RBFOX3: variants seen among roughly 807,000 people sequenced by gnomAD.
RBFOX3 encodes the protein RNA binding protein fox-1 homolog 3.
RBFOX3 carries 17 observed loss-of-function variants against 48.7 expected under a neutral mutation model. The observed-to-expected ratio is 0.35, with a 90% CI of 0.24 to 0.52. The LOEUF is 0.52. Among genes scored for constraint, RBFOX3 ranks in the 20% least tolerant of loss-of-function variants. RBFOX3 has a pLI of 0.94. For synonymous variants in RBFOX3, 212 were observed against 209.5 expected (o/e 1.01, Z -0.10); for missense variants, 382 against 497.5 (o/e 0.77, Z 2.21).
intron 2 of RBFOX3, among the ~76,000 whole-genome samples, chr17:79,318,874 AAAAAAAG>A (rs753353432): frequency 6.0e-5 from 9 of 149,522 alleles, no homozygotes; most frequent in Non-Finnish European, 7.4e-5. Flanking sequence ...AAAAAAAAAA[AAAAAAAG>A]GGATGGAGGG....
Position 79,361,401 on chromosome 17 carries a change from A to C in RBFOX3, c.-174-53577T>G, listed in dbSNP as rs923592311. On this transcript the variant is annotated intron_variant, in intron 2 of 14. Coordinates refer to ENST00000693108, the MANE Select transcript of RBFOX3 (RefSeq NM_001350451.2). The surrounding 1 kb of genome is among the most constrained non-coding windows in gnomAD (Gnocchi z 4.5). ...ATCCCCCACTGCCTTCCTTGTGGAA[A>C]GATTAAACATCTCTCAGATGCTGGG... Among the ~76,000 whole-genome samples the C allele has an allele frequency of 7.2e-5, 11 of 152,156 alleles. No homozygotes were observed. The highest frequency in any genetic ancestry group is 1.6e-4 in the Non-Finnish European group (11 of 68,024).
chr17:79,409,136 ACT>A (rs2148545052), intron 2 of RBFOX3, among the ~76,000 whole-genome samples: 1 of 152,212 alleles, frequency 6.6e-6, no homozygotes, highest in South Asian at 2.1e-4. Flanking sequence ...TGCTGAGCAC[ACT>A]GTTTTCAGGG....
Position 79,316,995 on chromosome 17 carries a change from C to T in RBFOX3, c.-174-9171G>A, listed in dbSNP as rs568288286. Among the ~76,000 whole-genome samples, 3 of 152,310 alleles carry T rather than the reference C, an allele frequency of 2.0e-5. No individual in the cohort carries two copies. The South Asian group carries it at 6.2e-4, about 32-fold the overall frequency. ...TCACCCGCAAATGTGCATGTGCACG[C>T]ACACACACAGATGTGCACGGACACG... On this transcript the variant is annotated intron_variant, in intron 2 of 14. Coordinates refer to ENST00000693108, the MANE Select transcript of RBFOX3 (RefSeq NM_001350451.2).
intron 3 of RBFOX3, among the ~76,000 whole-genome samples, chr17:79,268,487 G>T (rs1023396023): frequency 6.6e-6 from 1 of 152,094 alleles, no homozygotes; most frequent in Non-Finnish European, 1.5e-5. Flanking sequence ...TAACTCTCCC[G>T]CTGCGGGTGG....
At chr17:79,153,154 C>A (rs1434471414) in intron 4 of RBFOX3, among the ~76,000 whole-genome samples, 2 of 152,216 alleles carry the variant, frequency 1.3e-5, no homozygotes. Flanking sequence ...CGACCCTTGG[C>A]CCTGTTCTGG....
At chr17:79,582,782 C>CAAAAAA (rs36155299) in intron 1 of RBFOX3, among the ~76,000 whole-genome samples, 2 of 46,894 alleles carry the variant, frequency 4.3e-5, no homozygotes, top group Admixed American at 3.0e-4. Flanking sequence ...GACCCCGTCT[C>CAAAAAA]AAAAAAAAAA....
intron 1 of RBFOX3, among the ~76,000 whole-genome samples, chr17:79,505,755 C>T (rs1016961398): frequency 2.0e-5 from 3 of 152,172 alleles, no homozygotes; most frequent in African/African-American, 4.8e-5. Flanking sequence ...GTCCCCACAC[C>T]GCACGCCTCT....
intron 14 of RBFOX3, chr17:79,092,308 G>GC: frequency 2.0e-6 from 2 of 985,524 alleles, no homozygotes; most frequent in South Asian, 9.4e-5. Flanking sequence ...CACCGTACCT[G>GC]CAATGGCTTG....
chr17:79,154,773 A>T lies in RBFOX3; in HGVS notation c.-33-39025T>A, dbSNP rs114311456. On this transcript the variant is annotated intron_variant, in intron 4 of 14. Coordinates refer to ENST00000693108, the MANE Select transcript of RBFOX3 (RefSeq NM_001350451.2). ...GGTTCCTGCTTCTCTGAGGAAGGGGAGGCTGTGGGCAGGAGGTGCCACTGA... is the reference window on the plus strand; with the variant it reads ...GGTTCCTGCTTCTCTGAGGAAGGGGTGGCTGTGGGCAGGAGGTGCCACTGA... Among the ~76,000 whole-genome samples, 1,185 of 152,274 alleles carry T rather than the reference A, an allele frequency of 7.8e-3. 14 individuals carry two copies. The highest frequency in any genetic ancestry group is 0.027 in the African/African-American group (1,116 of 41,556).
chr17:79,323,698 C>T (rs1037988149), intron 2 of RBFOX3, among the ~76,000 whole-genome samples: 1 of 152,240 alleles, frequency 6.6e-6, no homozygotes, highest in Non-Finnish European at 1.5e-5. Context: ...TAATGTCCTG[C>T]TCAGCTCTCT....
chr17:79,466,407 G>A (rs1555753799), intron 2 of RBFOX3, among the ~76,000 whole-genome samples: 1 of 152,202 alleles, frequency 6.6e-6, no homozygotes. Flanking sequence ...GCACCTGCGA[G>A]TGTTTGCCCC....
intron 2 of RBFOX3, among the ~76,000 whole-genome samples, chr17:79,401,334 T>C (rs1598531476): frequency 6.6e-6 from 1 of 152,124 alleles, no homozygotes; most frequent in East Asian, 1.9e-4. Flanking sequence ...TACTACCACT[T>C]TAAAATAGGT....
chr17:79,318,973 T>A (rs952309225), intron 2 of RBFOX3, among the ~76,000 whole-genome samples: 5 of 150,242 alleles, frequency 3.3e-5, no homozygotes, highest in Non-Finnish European at 5.9e-5. Context: ...TGTATACATA[T>A]GTAACTAACC....
intron 4 of RBFOX3, among the ~76,000 whole-genome samples, chr17:79,126,740 C>G (rs562394062): frequency 7.2e-5 from 11 of 152,298 alleles, no homozygotes; most frequent in African/African-American, 2.6e-4. Context: ...CCAGCCCAGC[C>G]CGCCAGACAA....
At chr17:79,338,037 C>T (rs1294501806) in intron 2 of RBFOX3, among the ~76,000 whole-genome samples, 1 of 151,716 alleles carries the variant, frequency 6.6e-6, no homozygotes, top group African/African-American at 2.4e-5. Flanking sequence ...CTCCTGGGCT[C>T]AAGTGAGTCT....
intron 3 of RBFOX3, among the ~76,000 whole-genome samples, chr17:79,296,482 A>G (rs925620681): frequency 1.3e-5 from 2 of 152,186 alleles, no homozygotes; most frequent in Admixed American, 6.5e-5. Flanking sequence ...GATTGTCAGC[A>G]AAAGGGACAC....
At chr17:79,463,136 G>GCCACCGCCAACT (rs2075652798) in intron 2 of RBFOX3, among the ~76,000 whole-genome samples, 1 of 142,688 alleles carries the variant, frequency 7.0e-6, no homozygotes, top group African/African-American at 2.7e-5. Context: ...CACCGCCACT[G>GCCACCGCCAACT]CCACCGCCAC....
intron 12 of RBFOX3, among the ~76,000 whole-genome samples, chr17:79,096,236 G>A (rs965175313): frequency 2.0e-5 from 3 of 152,166 alleles, no homozygotes; most frequent in South Asian, 4.1e-4. Flanking sequence ...ACCCCATCAA[G>A]GGGGGTAGGC....
Position 79,243,332 on chromosome 17 carries a change from T to G in RBFOX3, c.-73-7527A>C, listed in dbSNP as rs1192910941. Among the ~76,000 whole-genome samples the G allele has an allele frequency of 1.3e-5, 2 of 152,116 alleles. No individual in the cohort carries two copies. The highest frequency in any genetic ancestry group is 1.3e-4 in the Admixed American group (2 of 15,280). On this transcript the variant is annotated intron_variant, in intron 3 of 14. Coordinates refer to ENST00000693108, the MANE Select transcript of RBFOX3 (RefSeq NM_001350451.2). The surrounding 1 kb of genome is among the most constrained non-coding windows in gnomAD (Gnocchi z 7.9). Reference sequence around the variant, plus strand: ...AACGTGGCCCCAGGAGAAAACCCACTGTACTCCTTTTGCTCATTGCCGGGT... The same window carrying G: ...AACGTGGCCCCAGGAGAAAACCCACGGTACTCCTTTTGCTCATTGCCGGGT...
Sources: gnomAD v4.1 joint callset for allele counts (sites outside exome capture counted in the v4.1 genomes callset) on GRCh38, gnomAD v4.1.1 for gene constraint, Gnocchi (gnomAD v3.1) non-coding constraint, MANE v1.5 for transcripts, NCBI Gene and HGNC (gene_info 2026-07-23, HGNC 2026-07-21) for gene names.